The following EFCAB6 variants were observed in gnomAD, a reference collection of about 807,000 sequenced individuals.
EFCAB6 encodes EF-hand calcium binding domain 6, also known as EF-hand calcium-binding domain-containing protein 6.
Under a neutral mutation model 169.8 loss-of-function variants are expected in EFCAB6, and 156 were observed. That is an observed-to-expected ratio of 0.92 (90% confidence interval 0.81 to 1.05). EFCAB6 has a LOEUF of 1.05. EFCAB6 is among the 50% of genes least tolerant of loss of function. The pLI is 0.00. For missense variants in EFCAB6, 1,800 were observed against 1,829.1 expected (o/e 0.98, Z 0.29); for synonymous variants, 698 against 676.4 (o/e 1.03, Z -0.50).
intron 27 of EFCAB6, among the ~76,000 whole-genome samples, chr22:43,546,688 T>G (rs2048075894): frequency 6.6e-6 from 1 of 151,956 alleles, no homozygotes; most frequent in South Asian, 2.1e-4. Flanking sequence ...TTGGCCAACA[T>G]GGTGAAACAC....
At chr22:43,530,386 C>A (rs547862010) in intron 31 of EFCAB6, among the ~76,000 whole-genome samples, 1 of 152,336 alleles carries the variant, frequency 6.6e-6, no homozygotes, top group East Asian at 1.9e-4. Context: ...AATGGTGGAG[C>A]CCCGCTGTGT....
chr22:43,631,770 G>A (rs1354865879), intron 19 of EFCAB6, among the ~76,000 whole-genome samples: 2 of 152,044 alleles, frequency 1.3e-5, no homozygotes, highest in East Asian at 3.8e-4. Context: ...GTGGGTGAAT[G>A]GATGAGGGAA....
chr22:43,712,556 AG>A (rs1426119378), intron 9 of EFCAB6, among the ~76,000 whole-genome samples: 1 of 152,236 alleles, frequency 6.6e-6, no homozygotes, highest in Non-Finnish European at 1.5e-5. Context: ...TAGAGATATA[AG>A]TTCATTAGAA....
intron 10 of EFCAB6, among the ~76,000 whole-genome samples, chr22:43,698,471 T>C (rs1462372256): frequency 6.6e-6 from 1 of 152,174 alleles, no homozygotes; most frequent in Non-Finnish European, 1.5e-5. Flanking sequence ...CAATATAGCC[T>C]TTATCCAAGG....
intron 26 of EFCAB6, among the ~76,000 whole-genome samples, chr22:43,568,625 GGT>G (rs1398167587): frequency 1.3e-5 from 2 of 152,050 alleles, no homozygotes; most frequent in African/African-American, 4.8e-5. Flanking sequence ...ATGCCGGAGT[GGT>G]GATTAACACA....
intron 10 of EFCAB6, among the ~76,000 whole-genome samples, chr22:43,697,830 G>T (rs930503976): frequency 6.6e-6 from 1 of 152,060 alleles, no homozygotes; most frequent in Non-Finnish European, 1.5e-5. Flanking sequence ...GTACAGAGAG[G>T]GCAGAAGAAA....
At chr22:43,750,440 T>C (rs763225511) in intron 6 of EFCAB6, among the ~76,000 whole-genome samples, 1 of 152,200 alleles carries the variant, frequency 6.6e-6, no homozygotes, top group Non-Finnish European at 1.5e-5. Flanking sequence ...GTGTCTCAGA[T>C]ACAATCTGTC....
intron 17 of EFCAB6, among the ~76,000 whole-genome samples, chr22:43,650,783 T>A (rs144267294): frequency 0.046 from 7,012 of 152,258 alleles, 559 homozygotes; most frequent in African/African-American, 0.16. Flanking sequence ...ATGAGGCACT[T>A]GTTGGGAACT....
chr22:43,529,002 G>C, intron 31 of EFCAB6, 27 bp from the exon 32 acceptor site: 1 of 1,549,842 alleles, frequency 6.5e-7, no homozygotes. Context: ...AGGGGCCTCT[G>C]AGGCTTGTTT....
chr22:43,672,354 A>G (rs1178156715), intron 13 of EFCAB6, 49 bp from the exon 14 acceptor site: 1 of 1,598,086 alleles, frequency 6.3e-7, no homozygotes, highest in Admixed American at 1.7e-5. Context: ...CATGAAAGTC[A>G]TTAGGAGCTT....
In EFCAB6 at chr22:43,805,960, T is replaced by C. The variant is rs958580689; in HGVS notation, c.-8+3035A>G. On this transcript the variant is annotated intron_variant, in intron 2 of 31. Coordinates refer to ENST00000262726, the MANE Select transcript of EFCAB6 (RefSeq NM_022785.4). ...TGGGCAGATCACTTGAGGCCAGGAG[T>C]TCGAGACTAGCCTGGCCAACATGAC... Among the ~76,000 whole-genome samples the C allele has an allele frequency of 4.0e-5, 6 of 151,446 alleles. No homozygotes were observed. The East Asian group carries it at 1.2e-3, about 29-fold the overall frequency.
intron 27 of EFCAB6, among the ~76,000 whole-genome samples, chr22:43,542,464 C>T (rs1033067468): frequency 1.3e-5 from 2 of 152,188 alleles, no homozygotes; most frequent in African/African-American, 4.8e-5. Context: ...CCTGTAAGTC[C>T]AGCTACTCAG....
rs145283585 is a variant in EFCAB6 at position 43,694,913 on chromosome 22, A to G, written c.1032-7332T>C. The stretch of plus-strand genomic sequence containing the variant: ...ACCTAAGATCAGGAATAAAGCAGGA[A>G]TGTCTAATATCACCATTTCTGTTCA... On this transcript the variant is annotated intron_variant, in intron 10 of 31. Transcript: ENST00000262726. Among the ~76,000 whole-genome samples the G allele has an allele frequency of 2.7e-4, 41 of 152,218 alleles. No homozygotes were observed. In the East Asian group the frequency reaches 7.3e-3, roughly 27 times the overall value.
At position 43,608,549 on chromosome 22, in the gene EFCAB6, T is replaced by C; in HGVS notation, c.2614A>G (p.Ile872Val). Residue 872 changes from isoleucine to valine, a missense_variant, in exon 22 of 32, where the codon ATA becomes GTA. Physicochemically the swap from Ile to Val is conservative, Grantham distance 29. Coordinates refer to ENST00000262726, the MANE Select transcript of EFCAB6 (RefSeq NM_022785.4). ...EGNGILRRRD[I>V]KNALYGFDIP... is the part of the protein sequence containing the mutation. ...TCAAAACCGTACAGTGCGTTCTTTA[T>C]GTCCCGGCGTCGAAGAATGCCATTG... 2 of 1,614,220 alleles carry C rather than the reference T, an allele frequency of 1.2e-6. No individual in the cohort carries two copies. The highest frequency in any genetic ancestry group is 2.2e-5 in the South Asian group (2 of 91,084).
At chr22:43,631,316 G>T (rs1409173189) in intron 19 of EFCAB6, among the ~76,000 whole-genome samples, 1 of 151,886 alleles carries the variant, frequency 6.6e-6, no homozygotes, top group Non-Finnish European at 1.5e-5. Flanking sequence ...ATCACAAAAA[G>T]AGCTCAGATC....
intron 13 of EFCAB6, 128 bp from the exon 14 acceptor site, chr22:43,672,433 A>G: frequency 1.1e-6 from 1 of 915,488 alleles, no homozygotes; most frequent in Non-Finnish European, 1.7e-6. Flanking sequence ...TGAGACCTTG[A>G]ACAACGGAGC....
intron 22 of EFCAB6, among the ~76,000 whole-genome samples, chr22:43,602,016 ACT>A (rs912913975): frequency 1.3e-5 from 2 of 152,236 alleles, no homozygotes; most frequent in Non-Finnish European, 2.9e-5. Flanking sequence ...GTCCTCCGCT[ACT>A]TTGCAGGCAG....
intron 10 of EFCAB6, among the ~76,000 whole-genome samples, chr22:43,703,963 T>A (rs562097004): frequency 1.3e-5 from 2 of 151,984 alleles, no homozygotes; most frequent in African/African-American, 4.8e-5. Flanking sequence ...AAATAATGAC[T>A]GAAAACTTCC....
intron 6 of EFCAB6, among the ~76,000 whole-genome samples, chr22:43,746,288 T>A (rs907977860): frequency 5.3e-5 from 8 of 152,040 alleles, no homozygotes; most frequent in Non-Finnish European, 1.5e-5. Context: ...TCGAAAAAGC[T>A]TACTGAAAAA....
Sources: gnomAD v4.1 joint callset for allele counts (sites outside exome capture counted in the v4.1 genomes callset) on GRCh38, gnomAD v4.1.1 for gene constraint, MANE v1.5 for transcripts, NCBI Gene and HGNC (gene_info 2026-07-23, HGNC 2026-07-21) for gene names.